The following ADARB2 variants were observed in gnomAD, a reference collection of about 807,000 sequenced individuals.
ADARB2 encodes inactive double-stranded RNA-specific editase B2.
Under a neutral mutation model 62.2 loss-of-function variants are expected in ADARB2, and 25 were observed. The observed-to-expected ratio is 0.40, with a 90% confidence interval of 0.29 to 0.56. The LOEUF (loss-of-function observed/expected upper bound fraction) is 0.56. Among genes scored for constraint, ADARB2 ranks in the 20% least tolerant of loss-of-function variants. The pLI is 0.43. For synonymous variants in ADARB2, 572 were observed against 500.8 expected, an observed-to-expected ratio of 1.14 and a Z score of -1.90; for missense variants, 1,071 against 1,077.4, an observed-to-expected ratio of 0.99 and a Z score of 0.08.
At chr10:1,569,781 T>A (rs1195606202) in intron 1 of ADARB2, among the ~76,000 whole-genome samples, 1 of 152,194 alleles carries the variant, frequency 6.6e-6, no homozygotes, top group African/African-American at 2.4e-5. Context: ...AAAAATGTAA[T>A]ACTGCTCAAA....
At chr10:1,227,066 G>A (rs538958157) in intron 6 of ADARB2, among the ~76,000 whole-genome samples, 18 of 152,242 alleles carry the variant, frequency 1.2e-4, no homozygotes, top group Non-Finnish European at 2.5e-4. Flanking sequence ...TGAGCTTCCA[G>A]GCTGCTTTGT....
rs1831555902 is a variant in ADARB2 at position 1,299,697 on chromosome 10, C to A, written c.1078-28628G>T. On this transcript the variant is annotated intron_variant, in intron 3 of 9. Coordinates refer to ENST00000381312, the MANE Select transcript of ADARB2 (RefSeq NM_018702.4). ...GGACGTGGAGCTAAGGACATTTCAT[C>A]CATCAGACTAGGGACTCTTCTGCCC... 2.6e-5 allele frequency among the ~76,000 whole-genome samples: 4 copies of A among 152,194 alleles called. No homozygotes were observed. In the South Asian group the frequency reaches 8.3e-4, roughly 32 times the overall value.
intron 6 of ADARB2, among the ~76,000 whole-genome samples, chr10:1,227,695 C>G (rs573637489): frequency 6.6e-6 from 1 of 152,074 alleles, no homozygotes; most frequent in African/African-American, 2.4e-5. Flanking sequence ...ATCTAAAAAG[C>G]GATGCATGGT....
chr10:1,373,860 G>A (rs1832397762), intron 2 of ADARB2, among the ~76,000 whole-genome samples: 1 of 151,384 alleles, frequency 6.6e-6, no homozygotes, highest in African/African-American at 2.4e-5. Context: ...TGGGCTCCGC[G>A]CACCCTTCCT....
intron 4 of ADARB2, among the ~76,000 whole-genome samples, chr10:1,258,662 G>A (rs1049104115): frequency 3.9e-5 from 6 of 152,138 alleles, no homozygotes; most frequent in African/African-American, 1.4e-4. Flanking sequence ...AATCCTTAGT[G>A]ACCTACAAAG....
intron 1 of ADARB2, among the ~76,000 whole-genome samples, chr10:1,439,275 C>T (rs1440346148): frequency 7.8e-6 from 1 of 127,554 alleles, no homozygotes; most frequent in East Asian, 2.5e-4. Flanking sequence ...GTCTCCTCAG[C>T]AGATGGAGGC....
chr10:1,466,146 C>T (rs1831252630), intron 1 of ADARB2, among the ~76,000 whole-genome samples: 1 of 152,254 alleles, frequency 6.6e-6, no homozygotes. Flanking sequence ...CAACTCTGCC[C>T]TTGTTCTTAC....
At chr10:1,203,452 G>A (rs1351316859) in intron 7 of ADARB2, among the ~76,000 whole-genome samples, 2 of 152,352 alleles carry the variant, frequency 1.3e-5, no homozygotes, top group South Asian at 4.1e-4. Context: ...GCCGTGACGC[G>A]GCCCTGTGAG....
At chr10:1,213,002 C>G (rs986737061) in intron 7 of ADARB2, among the ~76,000 whole-genome samples, 1 of 152,132 alleles carries the variant, frequency 6.6e-6, no homozygotes, top group Admixed American at 6.5e-5. Flanking sequence ...TGGCAGCACT[C>G]GAGGAGGGAA....
At chr10:1,346,768 G>A (rs763319171) in intron 3 of ADARB2, among the ~76,000 whole-genome samples, 10 of 152,360 alleles carry the variant, frequency 6.6e-5, no homozygotes, top group South Asian at 2.1e-4. Flanking sequence ...GCGAGGGCAC[G>A]TGGGTCCTTG....
chr10:1,431,153 C>G lies in ADARB2; in HGVS notation c.101-51993G>C, dbSNP rs535441789. Among the ~76,000 whole-genome samples the G allele has an allele frequency of 2.1e-3, 195 of 94,978 alleles. 1 individual carries two copies. The highest frequency in any genetic ancestry group is 0.015 in the African/African-American group (184 of 12,682). 62.3% of individuals were successfully genotyped at this position (94,978 alleles called of 152,430 possible). A position where few individuals can be genotyped will look rare whatever the true frequency, so the allele number is the denominator to read the frequency against. The stretch of plus-strand genomic sequence containing the variant: ...GAATACACATATTTTTCAATTTCTT[C>G]TGAAACACTCATCAATATATACCAT... On this transcript the variant is annotated intron_variant, in intron 1 of 9. Transcript: ENST00000381312.
chr10:1,226,659 G>A (rs983745342), intron 6 of ADARB2, among the ~76,000 whole-genome samples: 1 of 152,186 alleles, frequency 6.6e-6, no homozygotes, highest in Non-Finnish European at 1.5e-5. Context: ...GTCTGTTGGA[G>A]TTTGTTAGAG....
intron 3 of ADARB2, among the ~76,000 whole-genome samples, chr10:1,308,282 G>A (rs188168023): frequency 6.6e-6 from 1 of 152,010 alleles, no homozygotes; most frequent in Admixed American, 6.6e-5. Context: ...TATGCTTTCT[G>A]GATGGACTTA....
In ADARB2 at chr10:1,215,076, T is replaced by A. The variant is rs566926267; in HGVS notation, c.1682+1875A>T. ...AGGGGCCTGCAGGGGCGGGGGCAGG[T>A]GCGGCGGGGGTCTCCCGTTTTCTCC... is the stretch of plus-strand genomic sequence containing the variant. On this transcript the variant is annotated intron_variant, in intron 7 of 9. Coordinates refer to ENST00000381312, the MANE Select transcript of ADARB2 (RefSeq NM_018702.4). Among the ~76,000 whole-genome samples, 286 of 152,042 alleles carry A rather than the reference T, an allele frequency of 1.9e-3. 2 individuals carry two copies. Among genetic ancestry groups the A allele is most frequent in the African/African-American group, 6.6e-3 (272 of 41,500 alleles).
chr10:1,596,866 C>T (rs540237212), intron 1 of ADARB2, among the ~76,000 whole-genome samples: 1 of 152,142 alleles, frequency 6.6e-6, no homozygotes, highest in African/African-American at 2.4e-5. Flanking sequence ...TACTGGCACC[C>T]GGAGGGTTTA....
At chr10:1,352,061 T>C (rs1399010761) in intron 3 of ADARB2, among the ~76,000 whole-genome samples, 1 of 151,870 alleles carries the variant, frequency 6.6e-6, no homozygotes, top group Non-Finnish European at 1.5e-5. Flanking sequence ...CTGACACCCA[T>C]CAGGCTCAGC....
At chr10:1,308,502 T>C (rs1377422854) in intron 3 of ADARB2, among the ~76,000 whole-genome samples, 3 of 152,256 alleles carry the variant, frequency 2.0e-5, no homozygotes, top group African/African-American at 7.2e-5. Context: ...TTTCAATTCA[T>C]CTGGGTAAAG....
intron 1 of ADARB2, among the ~76,000 whole-genome samples, chr10:1,528,054 C>T (rs1832171552): frequency 6.6e-6 from 1 of 152,218 alleles, no homozygotes; most frequent in Non-Finnish European, 1.5e-5. Flanking sequence ...AGCCCCCACA[C>T]TTTATGGACT....
In ADARB2 at chr10:1,568,997, A is replaced by G. The variant is rs1304031439; in HGVS notation, c.100+168054T>C. Among the ~76,000 whole-genome samples the G allele has an allele frequency of 3.3e-5, 5 of 152,236 alleles. No homozygotes were observed. In the East Asian group the frequency reaches 9.6e-4, roughly 29 times the overall value. On this transcript the variant is annotated intron_variant, in intron 1 of 9. Transcript: ENST00000381312. ...TGCGCCCATTAGAAGGCGAGGCGAG[A>G]TGGTGAGAGAGAGACACAGAGAGAC...
Sources: gnomAD v4.1 joint callset for allele counts (sites outside exome capture counted in the v4.1 genomes callset) on GRCh38, gnomAD v4.1.1 for gene constraint, MANE v1.5 for transcripts, NCBI Gene and HGNC (gene_info 2026-07-23, HGNC 2026-07-21) for gene names.